Variants in STAU2 observed in about 807,000 individuals in gnomAD.
STAU2 encodes staufen double-stranded RNA binding protein 2, also known as double-stranded RNA-binding protein Staufen homolog 2.
STAU2 carries 20 observed loss-of-function variants against 65.9 expected under a neutral mutation model. The ratio of observed to expected loss-of-function variants is 0.30; its 90% CI spans 0.21 to 0.44. STAU2 has a LOEUF of 0.44. STAU2 is among the 20% of genes least tolerant of loss of function. The pLI is 1.00. For synonymous variants in STAU2, 232 were observed against 233.9 expected (o/e 0.99, Z 0.07); for missense variants, 558 against 683.9 (o/e 0.82, Z 2.05).
chr8:73,446,602 T>C (rs1818481306), intron 13 of STAU2, among the ~76,000 whole-genome samples: 2 of 152,176 alleles, frequency 1.3e-5, no homozygotes, highest in Admixed American at 6.5e-5. Context: ...ATTAAAACTG[T>C]GCTTTTGGAA....
At chr8:73,632,124 T>C (rs990295680) in intron 6 of STAU2, among the ~76,000 whole-genome samples, 1 of 152,126 alleles carries the variant, frequency 6.6e-6, no homozygotes, top group Non-Finnish European at 1.5e-5. Flanking sequence ...TTAAGAATAT[T>C]GTATTATATT....
At chr8:73,746,940 C>G (rs1807335814), upstream of STAU2, 4 of 906,550 alleles carry the variant, frequency 4.4e-6, no homozygotes, top group South Asian at 2.0e-4. Flanking sequence ...CGCGCCCTCC[C>G]GCGCTCGCGC....
intron 5 of STAU2, among the ~76,000 whole-genome samples, chr8:73,676,929 C>T (rs562452731): frequency 5.3e-4 from 80 of 152,210 alleles, no homozygotes; most frequent in Middle Eastern, 3.4e-3. Context: ...TCAAAATGTA[C>T]CCTTAGGAGT....
chr8:73,655,228 T>C (rs1427479182), intron 6 of STAU2, among the ~76,000 whole-genome samples: 2 of 152,238 alleles, frequency 1.3e-5, no homozygotes, highest in Non-Finnish European at 2.9e-5. Flanking sequence ...TTTCATTAAG[T>C]ACTTGCAAAG....
intron 10 of STAU2, among the ~76,000 whole-genome samples, chr8:73,601,782 A>G (rs557166647): frequency 6.6e-6 from 1 of 152,338 alleles, no homozygotes; most frequent in South Asian, 2.1e-4. Flanking sequence ...CCTCTTTCAA[A>G]AGGGGTACTC....
intron 12 of STAU2, among the ~76,000 whole-genome samples, chr8:73,572,942 G>C (rs1809220128): frequency 6.6e-6 from 1 of 152,172 alleles, no homozygotes; most frequent in Non-Finnish European, 1.5e-5. Flanking sequence ...TATTTCATTA[G>C]GAAAAGAGGA....
intron 13 of STAU2, among the ~76,000 whole-genome samples, chr8:73,451,922 G>A (rs1159042035): frequency 6.6e-6 from 1 of 152,222 alleles, no homozygotes; most frequent in East Asian, 1.9e-4. Context: ...GCTGCCCAAG[G>A]ACTGAAGGCT....
intron 11 of STAU2, among the ~76,000 whole-genome samples, chr8:73,592,224 G>C (rs906868479): frequency 1.3e-5 from 2 of 150,930 alleles, no homozygotes; most frequent in Admixed American, 6.6e-5. Context: ...AAACTGAACA[G>C]AAGAAAAAGA....
intron 13 of STAU2, among the ~76,000 whole-genome samples, chr8:73,472,704 T>TA (rs1681659039): frequency 6.6e-6 from 1 of 151,852 alleles, no homozygotes; most frequent in East Asian, 1.9e-4. Flanking sequence ...AATAGAGAGA[T>TA]AAAAGTTGCA....
chr8:73,478,689 T>G (rs961089540), intron 13 of STAU2, among the ~76,000 whole-genome samples: 2 of 152,178 alleles, frequency 1.3e-5, no homozygotes, highest in East Asian at 1.9e-4. Context: ...CTCTAGTAAA[T>G]GTACAGAAAC....
chr8:73,576,157 C>A (rs1809532984), intron 12 of STAU2, among the ~76,000 whole-genome samples: 1 of 152,036 alleles, frequency 6.6e-6, no homozygotes, highest in African/African-American at 2.4e-5. Flanking sequence ...CCCAGAAACT[C>A]TTATACATGT....
intron 12 of STAU2, among the ~76,000 whole-genome samples, chr8:73,570,464 C>G (rs1370705156): frequency 6.6e-6 from 1 of 152,312 alleles, no homozygotes; most frequent in East Asian, 1.9e-4. Flanking sequence ...TAGACCAAAT[C>G]TACGTCTGAC....
At chr8:73,726,519 C>A (rs769547692) in intron 3 of STAU2, among the ~76,000 whole-genome samples, 1 of 152,204 alleles carries the variant, frequency 6.6e-6, no homozygotes, top group South Asian at 2.1e-4. Flanking sequence ...TTAGGCCACT[C>A]GATATTTCCC....
At chr8:73,683,546 G>A (rs530979255) in intron 5 of STAU2, among the ~76,000 whole-genome samples, 13 of 152,194 alleles carry the variant, frequency 8.5e-5, no homozygotes, top group Non-Finnish European at 1.5e-4. Flanking sequence ...CTGAGAACTG[G>A]AACAAGACAA....
chr8:73,733,175 T>A (rs966060107), intron 3 of STAU2, among the ~76,000 whole-genome samples: 1 of 152,166 alleles, frequency 6.6e-6, no homozygotes, highest in Admixed American at 6.5e-5. Flanking sequence ...TCCTCTTAGC[T>A]ACCATGTTCC....
chr8:73,603,633 T>C (rs1811798151), intron 10 of STAU2, 93 bp downstream of exon 10: 2 of 1,476,692 alleles, frequency 1.4e-6, no homozygotes, highest in East Asian at 2.3e-5. Flanking sequence ...TTTTACTTTC[T>C]GCTCTTAAGT....
chr8:73,493,174 T>C (rs1382738600), intron 13 of STAU2, among the ~76,000 whole-genome samples: 1 of 151,798 alleles, frequency 6.6e-6, no homozygotes, highest in Non-Finnish European at 1.5e-5. Flanking sequence ...GCTGAAACTA[T>C]AAAGCTTTTA....
At position 73,624,230 on chromosome 8, in the gene STAU2, G is replaced by A. The variant is rs561064117; in HGVS notation, c.411-6779C>T. The stretch of plus-strand genomic sequence containing the variant: ...TTGAAATTAAATTTGATAAACTAGT[G>A]GAATGATTTATGGAATACAGAACAC... On this transcript the variant is annotated intron_variant, in intron 6 of 14. Coordinates refer to ENST00000524300, the MANE Select transcript of STAU2 (RefSeq NM_001164380.2). Among the ~76,000 whole-genome samples the A allele has an allele frequency of 8.5e-5, 13 of 152,200 alleles. No individual in the cohort carries two copies. The South Asian group carries it at 2.3e-3, about 27-fold the overall frequency.
At chr8:73,474,985 A>C (rs983525377) in intron 13 of STAU2, among the ~76,000 whole-genome samples, 1 of 152,230 alleles carries the variant, frequency 6.6e-6, no homozygotes, top group Non-Finnish European at 1.5e-5. Flanking sequence ...TGAGTGAAAG[A>C]AACAGAAAAC....
Sources: gnomAD v4.1 joint callset for allele counts (sites outside exome capture counted in the v4.1 genomes callset) on GRCh38, gnomAD v4.1.1 for gene constraint, MANE v1.5 for transcripts, NCBI Gene and HGNC (gene_info 2026-07-23, HGNC 2026-07-21) for gene names.